Variants in PDE1C observed in about 807,000 individuals in gnomAD.
PDE1C encodes the protein dual specificity calcium/calmodulin-dependent 3',5'-cyclic nucleotide phosphodiesterase 1C.
PDE1C carries 62 observed loss-of-function variants against 93.1 expected under a neutral mutation model. The ratio of observed to expected loss-of-function variants is 0.67; its 90% CI spans 0.54 to 0.82. The LOEUF is 0.82. Ranked by LOEUF, PDE1C falls within the 40% of genes least tolerant of loss-of-function variation. The pLI is 0.00. For synonymous variants in PDE1C, 325 were observed against 310.1 expected (o/e 1.05, Z -0.50); for missense variants, 742 against 884.6 (o/e 0.84, Z 2.04).
intron 16 of PDE1C, among the ~76,000 whole-genome samples, chr7:31,807,624 A>G (rs908816337): frequency 6.6e-6 from 1 of 151,968 alleles, no homozygotes; most frequent in African/African-American, 2.4e-5. Flanking sequence ...CTTTTATGCT[A>G]TAGAAATTTA....
intron 2 of PDE1C, among the ~76,000 whole-genome samples, chr7:32,178,065 A>T (rs1276839688): frequency 6.6e-6 from 1 of 152,354 alleles, no homozygotes; most frequent in Non-Finnish European, 1.5e-5. Context: ...GTATGGGGCA[A>T]TTCCCACATA....
chr7:32,209,521 T>C (rs1281250239), exon 2 of PDE1C: 2 of 1,571,032 alleles, frequency 1.3e-6, no homozygotes, highest in African/African-American at 1.4e-5. Context: ...GGCATTCTTG[T>C]CTCCAGCTTC....
chr7:32,405,823 A>T (rs1224448522), intron 1 of PDE1C, among the ~76,000 whole-genome samples: 1 of 152,190 alleles, frequency 6.6e-6, no homozygotes, highest in Non-Finnish European at 1.5e-5. Flanking sequence ...TGCTTTATCA[A>T]TTATTCTAGG....
Position 32,420,327 on chromosome 7 carries a change from G to GTA in PDE1C, c.310+7493_310+7494dup, listed in dbSNP as rs1406753335. Among the ~76,000 whole-genome samples, 26 of 4,582 alleles carry GTA rather than the reference G, an allele frequency of 5.7e-3. 6 individuals carry two copies. Among genetic ancestry groups the GTA allele is most frequent in the Non-Finnish European group, 0.011 (24 of 2,124 alleles). 3.0% of individuals were successfully genotyped at this position (4,582 alleles called of 152,430 possible). A position where few individuals can be genotyped will look rare whatever the true frequency, so the allele number is the denominator to read the frequency against. On this transcript the variant is annotated intron_variant, in intron 1 of 1. Transcript: ENST00000672256. ...TATATATACATGTGTATATATATGT[G>GTA]TATATATATATGTGTATATATATGT...
At chr7:31,799,669 A>G (rs1044130822) in intron 16 of PDE1C, among the ~76,000 whole-genome samples, 6 of 151,738 alleles carry the variant, frequency 4.0e-5, no homozygotes, top group Non-Finnish European at 8.9e-5. Context: ...GAAGAATTAT[A>G]TAATGTAGAT....
intron 1 of PDE1C, among the ~76,000 whole-genome samples, chr7:32,419,743 A>G (rs922937587): frequency 6.6e-6 from 1 of 152,004 alleles, no homozygotes; most frequent in Non-Finnish European, 1.5e-5. Context: ...ACATAGATGC[A>G]AAAGAGCATG....
chr7:31,996,383 TAA>T (rs1280815576), intron 2 of PDE1C, among the ~76,000 whole-genome samples: 1 of 152,114 alleles, frequency 6.6e-6, no homozygotes, highest in Non-Finnish European at 1.5e-5. Context: ...AGCTCTGATA[TAA>T]AGTCTTTACA....
At chr7:32,150,632 C>T (rs57540125) in intron 3 of PDE1C, among the ~76,000 whole-genome samples, 38,548 of 152,052 alleles carry the variant, frequency 0.25, 5,224 homozygotes, top group East Asian at 0.51. Flanking sequence ...TCCAGCTCCA[C>T]CACTTGAGAG....
the PDE1C span, among the ~76,000 whole-genome samples, chr7:31,664,263 A>G: frequency 6.6e-6 from 1 of 152,138 alleles, no homozygotes; most frequent in African/African-American, 2.4e-5. Flanking sequence ...TTCAGCATTG[A>G]TTAGGTCAAG....
Position 32,147,320 on chromosome 7 carries a change from GAA to G in PDE1C, c.308+22463_308+22464del, listed in dbSNP as rs200130150. On this transcript the variant is annotated intron_variant, in intron 3 of 18. Transcript: ENST00000396193. ...AGAAAGAAAGAAAGAAAGAAAGAAAGAAAGAAAGAAAGACGCTGTTTGTAGGT... is the reference window on the plus strand; with the variant it reads ...AGAAAGAAAGAAAGAAAGAAAGAAAGAGAAAGAAAGACGCTGTTTGTAGGT... Among the ~76,000 whole-genome samples the G allele has an allele frequency of 2.1e-3, 290 of 136,486 alleles. 1 individual carries two copies. Among genetic ancestry groups the G allele is most frequent in the African/African-American group, 7.9e-3 (260 of 32,786 alleles). The allele number at this position is 136,486 out of a possible 152,430, so 89.5% of individuals were successfully genotyped here. A position where few individuals can be genotyped will look rare whatever the true frequency, so the allele number is the denominator to read the frequency against.
chr7:32,367,335 CAGA>C (rs1182393073), intron 1 of PDE1C, among the ~76,000 whole-genome samples: 2 of 152,044 alleles, frequency 1.3e-5, no homozygotes, highest in African/African-American at 2.4e-5. Context: ...TAAACAATAA[CAGA>C]AGAAGTAAGA....
chr7:31,768,196 G>A (rs908833277), intron 17 of PDE1C, among the ~76,000 whole-genome samples: 1 of 152,138 alleles, frequency 6.6e-6, no homozygotes, highest in Non-Finnish European at 1.5e-5. Flanking sequence ...TACTTGGGGG[G>A]TTGGCAATGG....
intron 2 of PDE1C, among the ~76,000 whole-genome samples, chr7:32,177,175 C>T (rs561966655): frequency 6.6e-6 from 1 of 152,320 alleles, no homozygotes; most frequent in African/African-American, 2.4e-5. Context: ...CTGCGTCCAA[C>T]ATAAGGTCTT....
chr7:31,888,692 A>G (rs551981534), intron 2 of PDE1C, among the ~76,000 whole-genome samples: 1 of 152,286 alleles, frequency 6.6e-6, no homozygotes, highest in South Asian at 2.1e-4. Flanking sequence ...ATAATTCTGT[A>G]TCAGAATAAT....
chr7:31,931,683 A>G (rs1804299574), intron 2 of PDE1C, among the ~76,000 whole-genome samples: 1 of 152,236 alleles, frequency 6.6e-6, no homozygotes, highest in African/African-American at 2.4e-5. Flanking sequence ...TTATAGATTC[A>G]ATGCTATTCC....
chr7:32,312,311 G>C (rs984131512), intron 1 of PDE1C, among the ~76,000 whole-genome samples: 1 of 151,452 alleles, frequency 6.6e-6, no homozygotes, highest in Admixed American at 6.6e-5. Context: ...AATCAATATC[G>C]TGAAAATGGC....
intron 2 of PDE1C, among the ~76,000 whole-genome samples, chr7:31,891,403 T>G (rs964078155): frequency 6.6e-6 from 1 of 152,174 alleles, no homozygotes; most frequent in Admixed American, 6.5e-5. Flanking sequence ...CCTTTAAACC[T>G]TTACTTTCTG....
At chr7:32,051,031 C>T (rs1298261650) in intron 2 of PDE1C, among the ~76,000 whole-genome samples, 2 of 152,198 alleles carry the variant, frequency 1.3e-5, no homozygotes, top group South Asian at 4.1e-4. Context: ...AGGCTGGGCA[C>T]ATGAGGGATG....
rs1783759786 is a variant in PDE1C at position 31,784,879 on chromosome 7, T to C, written c.1892-9147A>G. 3 of 152,160 alleles carry C rather than the reference T, an allele frequency of 2.0e-5. No homozygotes were observed. In the South Asian group the frequency reaches 6.2e-4, roughly 32 times the overall value. The allele number at this position is 152,160 out of a possible 1,614,324, so 9.4% of individuals were successfully genotyped here. On this transcript the variant is annotated intron_variant, in intron 16 of 17. Coordinates refer to ENST00000396191, the MANE Select transcript of PDE1C (RefSeq NM_001191057.4). ...GACAATACCTATGGCTGTAGGTTTTTCCTATCCATCTATATATATTAATAT... is the reference window on the plus strand; with the variant it reads ...GACAATACCTATGGCTGTAGGTTTTCCCTATCCATCTATATATATTAATAT...
Sources: gnomAD v4.1 joint callset for allele counts (sites outside exome capture counted in the v4.1 genomes callset) on GRCh38, gnomAD v4.1.1 for gene constraint, MANE v1.5 for transcripts, NCBI Gene and HGNC (gene_info 2026-07-23, HGNC 2026-07-21) for gene names.